Variants in DAB1 observed in about 807,000 individuals in gnomAD.
DAB1 encodes DAB adaptor protein 1, also known as disabled homolog 1.
DAB1 carries 15 observed loss-of-function variants against 64.6 expected under a neutral mutation model. That is an observed-to-expected ratio of 0.23 (90% confidence interval 0.16 to 0.36). DAB1 has a LOEUF of 0.36. DAB1 is among the 10% of genes least tolerant of loss of function. DAB1 has a pLI of 1.00. For missense variants in DAB1, 596 were observed against 706.7 expected, an observed-to-expected ratio of 0.84 and a Z score of 1.78; for synonymous variants, 235 against 251.9, an observed-to-expected ratio of 0.93 and a Z score of 0.64.
chr1:58,374,493 T>C (rs994926530), intron 3 of DAB1, among the ~76,000 whole-genome samples: 1 of 151,934 alleles, frequency 6.6e-6, no homozygotes, highest in African/African-American at 2.4e-5. Context: ...TAGTTGTAGG[T>C]AAGCAGCGTT....
chr1:57,285,842 C>A (rs369389553), intron 2 of DAB1, among the ~76,000 whole-genome samples: 3 of 152,172 alleles, frequency 2.0e-5, no homozygotes, highest in African/African-American at 7.2e-5. Context: ...TCATGGGACA[C>A]GTTCCTCTAC....
At chr1:57,664,870 C>T (rs1646428289) in intron 6 of DAB1, among the ~76,000 whole-genome samples, 1 of 151,852 alleles carries the variant, frequency 6.6e-6, no homozygotes, top group African/African-American at 2.4e-5. Flanking sequence ...GTAAAAAGTA[C>T]TTAAGTATGT....
intron 6 of DAB1, among the ~76,000 whole-genome samples, chr1:57,705,008 T>C (rs1646950852): frequency 6.6e-6 from 1 of 152,108 alleles, no homozygotes; most frequent in Admixed American, 6.6e-5. Flanking sequence ...GGAAAAAATC[T>C]GAGCTTTTAG....
At chr1:57,886,183 T>G (rs1644218735), upstream of DAB1, among the ~76,000 whole-genome samples, 1 of 145,766 alleles carries the variant, frequency 6.9e-6, no homozygotes. Context: ...TTTTTTTTTT[T>G]GAGACGAAGT....
intron 3 of DAB1, among the ~76,000 whole-genome samples, chr1:58,445,119 T>C (rs1205403820): frequency 2.0e-5 from 3 of 152,146 alleles, no homozygotes; most frequent in African/African-American, 7.2e-5. Context: ...ACAATGACAA[T>C]TGGTCACCCT....
At chr1:58,369,198 T>A (rs1320490962) in intron 3 of DAB1, among the ~76,000 whole-genome samples, 2 of 152,288 alleles carry the variant, frequency 1.3e-5, no homozygotes, top group East Asian at 3.9e-4. Context: ...TTTATTGGCT[T>A]TTTTCCCCCT....
chr1:57,674,476 T>C (rs1379004445), intron 6 of DAB1, among the ~76,000 whole-genome samples: 1 of 152,184 alleles, frequency 6.6e-6, no homozygotes, highest in Non-Finnish European at 1.5e-5. Flanking sequence ...CCTGGAGCAG[T>C]GGAATGACTG....
At chr1:57,217,410 A>C (rs1666508955) in intron 2 of DAB1, among the ~76,000 whole-genome samples, 2 of 152,288 alleles carry the variant, frequency 1.3e-5, no homozygotes, top group South Asian at 2.1e-4. Flanking sequence ...AAGGACCTGA[A>C]TTATATGTCC....
intron 1 of DAB1, among the ~76,000 whole-genome samples, chr1:57,407,808 GTT>G (rs1018970578): frequency 1.6e-5 from 2 of 128,440 alleles, no homozygotes; most frequent in African/African-American, 3.1e-5. Context: ...GTGTGTGTGT[GTT>G]TGTACATATA....
At chr1:57,275,083 T>C (rs1319498126) in intron 2 of DAB1, among the ~76,000 whole-genome samples, 7 of 152,156 alleles carry the variant, frequency 4.6e-5, no homozygotes, top group Non-Finnish European at 1.0e-4. Context: ...CAAGCAGTTC[T>C]GATCCTTCTG....
At chr1:58,296,187 G>C (rs74411249) in intron 4 of DAB1, among the ~76,000 whole-genome samples, 2 of 116,226 alleles carry the variant, frequency 1.7e-5, no homozygotes, top group Non-Finnish European at 3.5e-5. Flanking sequence ...GAAAGAAAGA[G>C]AAAGAAAGAG....
intron 4 of DAB1, among the ~76,000 whole-genome samples, chr1:58,218,017 T>A (rs997249119): frequency 2.7e-4 from 41 of 151,326 alleles, no homozygotes; most frequent in Non-Finnish European, 5.3e-4. Context: ...AAATATATAT[T>A]TATTATACAT....
intron 3 of DAB1, among the ~76,000 whole-genome samples, chr1:58,356,716 A>C (rs1644114779): frequency 6.6e-6 from 1 of 151,888 alleles, no homozygotes; most frequent in African/African-American, 2.4e-5. Flanking sequence ...ATCCCATAGG[A>C]TTTTTTTCCC....
At chr1:57,812,319 C>CAAAAAAAAAAAAAAAAAA (rs67005172) in intron 6 of DAB1, among the ~76,000 whole-genome samples, 2 of 101,216 alleles carry the variant, frequency 2.0e-5, no homozygotes, top group African/African-American at 3.7e-5. Context: ...GATTCATTGC[C>CAAAAAAAAAAAAAAAAAA]AAAAAAAAAA....
chr1:58,352,259 GACA>G, intron 3 of DAB1, among the ~76,000 whole-genome samples: 1 of 152,228 alleles, frequency 6.6e-6, no homozygotes, highest in East Asian at 1.9e-4. Context: ...CTGTGCTGAG[GACA>G]TAATGTAGGG....
intron 5 of DAB1, among the ~76,000 whole-genome samples, chr1:58,126,451 T>C (rs906047484): frequency 8.9e-6 from 1 of 112,770 alleles, no homozygotes; most frequent in African/African-American, 4.7e-5. Flanking sequence ...CTTTTTCTTT[T>C]TTTCTTTTTT....
chr1:57,433,998 A>T (rs1206246837), intron 7 of DAB1, among the ~76,000 whole-genome samples: 1 of 152,138 alleles, frequency 6.6e-6, no homozygotes, highest in African/African-American at 2.4e-5. Context: ...GAAACATTAA[A>T]TAATTAATGA....
At chr1:57,163,841 G>A (rs1660985065) in intron 2 of DAB1, among the ~76,000 whole-genome samples, 1 of 152,178 alleles carries the variant, frequency 6.6e-6, no homozygotes, top group Admixed American at 6.5e-5. Flanking sequence ...GTGGAAGGCA[G>A]GGTCACTTCC....
chr1:58,431,440 C>T (rs2100240675), intron 3 of DAB1, among the ~76,000 whole-genome samples: 1 of 151,762 alleles, frequency 6.6e-6, no homozygotes, highest in Admixed American at 6.6e-5. Context: ...CGCCTGTAGT[C>T]CCAGCTACTT....
Sources: gnomAD v4.1 joint callset for allele counts (sites outside exome capture counted in the v4.1 genomes callset) on GRCh38, gnomAD v4.1.1 for gene constraint, MANE v1.5 for transcripts, NCBI Gene and HGNC (gene_info 2026-07-23, HGNC 2026-07-21) for gene names.